IDO1: variants seen among roughly 807,000 people sequenced by gnomAD.
The protein encoded by IDO1 is indoleamine 2,3-dioxygenase 1.
In IDO1, 35 loss-of-function variants were observed where a neutral mutation model predicts 38.8. The ratio of observed to expected loss-of-function variants is 0.90; its 90% confidence interval spans 0.69 to 1.20. The LOEUF (loss-of-function observed/expected upper bound fraction) is 1.20, where lower values mean the gene tolerates loss of function less well. Among genes scored for constraint, IDO1 ranks in the 50% most tolerant of loss-of-function variants. IDO1 has a pLI of 0.00. For synonymous variants in IDO1, 171 were observed against 170.0 expected, an observed-to-expected ratio of 1.01 and a Z score of -0.05; for missense variants, 509 against 485.1, an observed-to-expected ratio of 1.05 and a Z score of -0.46.
At chr8:39,922,160 C>A (rs1368982205) in intron 5 of IDO1, among the ~76,000 whole-genome samples, 1 of 152,116 alleles carries the variant, frequency 6.6e-6, no homozygotes, top group Non-Finnish European at 1.5e-5. Context: ...ATCACCATGC[C>A]CACCTAATTT....
intron 1 of IDO1, among the ~76,000 whole-genome samples, chr8:39,916,185 AG>A (rs1217781972): frequency 1.4e-5 from 2 of 146,164 alleles, no homozygotes; most frequent in Non-Finnish European, 3.0e-5. Context: ...TAATAATAAT[AG>A]TAATTCTGAC....
chr8:39,917,001 C>G (rs1807183005), intron 1 of IDO1, among the ~76,000 whole-genome samples: 1 of 152,108 alleles, frequency 6.6e-6, no homozygotes, highest in African/African-American at 2.4e-5. Context: ...ACAATAAACT[C>G]GATATACAAA....
intron 5 of IDO1, chr8:39,920,950 A>C (rs1807262383): frequency 6.6e-6 from 1 of 152,278 alleles, no homozygotes; most frequent in Non-Finnish European, 1.5e-5. Flanking sequence ...CGATATGATA[A>C]AGATAAGGCA....
chr8:39,915,176 C>T (rs537613089), intron 1 of IDO1, among the ~76,000 whole-genome samples: 9 of 152,296 alleles, frequency 5.9e-5, no homozygotes, highest in Non-Finnish European at 1.2e-4. Context: ...TGAGCCTAAG[C>T]AGCCTGTCTC....
At chr8:39,915,031 T>C (rs759057613) in intron 1 of IDO1, among the ~76,000 whole-genome samples, 10 of 152,210 alleles carry the variant, frequency 6.6e-5, no homozygotes, top group Non-Finnish European at 1.5e-4. Flanking sequence ...CCTCCCAAAG[T>C]GCTAGGATTA....
intron 6 of IDO1, 188 bp downstream of exon 6, chr8:39,922,839 C>T: frequency 1.7e-6 from 1 of 589,616 alleles, no homozygotes; most frequent in Non-Finnish European, 3.0e-6. Context: ...ATCTCAGAGC[C>T]ATATACTTAA....
chr8:39,914,295 T>C (rs1029507799), intron 1 of IDO1: 2 of 234,346 alleles, frequency 8.5e-6, no homozygotes, highest in East Asian at 9.4e-5. Flanking sequence ...AAGAATTATA[T>C]AGTAAAATAC....
intron 9 of IDO1, among the ~76,000 whole-genome samples, chr8:39,926,884 A>G (rs950868202): frequency 6.6e-6 from 1 of 151,912 alleles, no homozygotes; most frequent in Non-Finnish European, 1.5e-5. Context: ...TATTGTTCCT[A>G]TCTTTGTGTC....
intron 7 of IDO1, among the ~76,000 whole-genome samples, chr8:39,924,390 A>G (rs1368886411): frequency 6.6e-6 from 1 of 152,156 alleles, no homozygotes; most frequent in Non-Finnish European, 1.5e-5. Context: ...TTAAAAATAG[A>G]GAGGGAAATC....
intron 1 of IDO1, among the ~76,000 whole-genome samples, chr8:39,917,452 C>T (rs188495313): frequency 6.6e-5 from 10 of 152,242 alleles, no homozygotes; most frequent in African/African-American, 1.2e-4. Flanking sequence ...GCCAAGATTG[C>T]GCCACTGCAC....
In IDO1 at chr8:39,918,906, C is replaced by A; in HGVS notation, c.395C>A (p.Ala132Glu). ...TTGGTTTATGCAGACTGTGTCTTGG[C>A]AAACTGGAAGAAAAAGGATCCTAAT... is the stretch of plus-strand genomic sequence containing the variant. ...PILVYADCVLANWKKKDPNKP... is the reference protein window; with the variant it reads ...PILVYADCVLENWKKKDPNKP... Residue 132 changes from alanine to glutamate, a missense_variant, in exon 4 of 10, where the codon GCA (alanine) becomes GAA (glutamate). Coordinates refer to ENST00000518237, the MANE Select transcript of IDO1 (RefSeq NM_002164.6). 2 of 1,604,024 alleles carry A rather than the reference C, an allele frequency of 1.2e-6. No homozygotes were observed. The highest frequency in any genetic ancestry group is 1.7e-6 in the Non-Finnish European group (2 of 1,170,904).
rs1369390578 is a variant in IDO1 at position 39,928,512 on chromosome 8, T to A, written c.*327T>A. Reference sequence around the variant, plus strand: ...ACTTTGGGAGGCCGAGGCGGGCGGATCACAAGGTCAGGAGATCGAGACCAT... The same window carrying A: ...ACTTTGGGAGGCCGAGGCGGGCGGAACACAAGGTCAGGAGATCGAGACCAT... On this transcript the variant is annotated 3_prime_UTR_variant, in exon 10 of 10. Transcript: ENST00000518237. The A allele has an allele frequency of 5.5e-6, 1 of 180,448 alleles. No homozygotes were observed. Among genetic ancestry groups the A allele is most frequent in the Non-Finnish European group, 1.2e-5 (1 of 85,110 alleles). The allele number at this position is 180,448 out of a possible 1,614,324, so 11.2% of individuals were successfully genotyped here. A position where few individuals can be genotyped will look rare whatever the true frequency, so the allele number is the denominator to read the frequency against.
At chr8:39,924,808 C>G in intron 8 of IDO1, 36 bp downstream of exon 8, 1 of 1,486,618 alleles carries the variant, frequency 6.7e-7, no homozygotes, top group Non-Finnish European at 9.3e-7. Flanking sequence ...TTTGCTCTCA[C>G]TTAACAAAGA....
chr8:39,922,865 C>T (rs1807295836), intron 6 of IDO1: 4 of 556,456 alleles, frequency 7.2e-6, no homozygotes, highest in Non-Finnish European at 1.3e-5. Context: ...AACTTGAAAC[C>T]TCTGTAGGAG....
chr8:39,918,821 C>T lies in IDO1; in HGVS notation c.310C>T (p.Pro104Ser), dbSNP rs1276038235. ...KGHGDVRKVL[P>S]RNIAVPYCQL... ...ACTACTGTATTTTAATCAGGTCTTG[C>T]CAAGAAATATTGCTGTTCCTTACTG... The change falls in exon 4 of 10, where the codon CCA (proline) becomes TCA (serine). Residue 104 changes from proline (P) to serine (S), a missense_variant. Coordinates refer to ENST00000518237, the MANE Select transcript of IDO1 (RefSeq NM_002164.6). 1 of 1,593,954 alleles carries T rather than the reference C, an allele frequency of 6.3e-7. No homozygotes were observed. Among genetic ancestry groups the T allele is most frequent in the Non-Finnish European group, 8.6e-7 (1 of 1,162,488 alleles).
chr8:39,914,753 GT>G (rs1385074294), intron 1 of IDO1, among the ~76,000 whole-genome samples: 3 of 151,904 alleles, frequency 2.0e-5, no homozygotes, highest in African/African-American at 7.2e-5. Flanking sequence ...AGTTATGTAT[GT>G]TATTTATTTA....
intron 1 of IDO1, among the ~76,000 whole-genome samples, chr8:39,914,978 G>C (rs1489519436): frequency 6.6e-6 from 1 of 152,252 alleles, no homozygotes; most frequent in Admixed American, 6.5e-5. Context: ...TGTTGGCCAG[G>C]CTGGTCTCGA....
chr8:39,921,955 T>C (rs1307658806), intron 5 of IDO1, among the ~76,000 whole-genome samples: 5 of 152,122 alleles, frequency 3.3e-5, no homozygotes, highest in Non-Finnish European at 7.4e-5. Flanking sequence ...ACAGAACTAG[T>C]TTGGGAATTT....
chr8:39,925,312 A>C lies in IDO1; in HGVS notation c.797A>C (p.Gln266Pro). Residue 266 changes from glutamine (Q) to proline (P), a missense_variant, in exon 9 of 10, where the codon CAA becomes CCA. Gln to Pro is a moderately conservative substitution (Grantham distance 76). Coordinates refer to ENST00000518237, the MANE Select transcript of IDO1 (RefSeq NM_002164.6). ...GAGTTTGCAGGGGGCAGTGCAGGCC[A>C]AAGCAGCGTCTTTCAGTGCTTTGAC... is the stretch of plus-strand genomic sequence containing the variant. ...PKEFAGGSAG[Q>P]SSVFQCFDVL... 6.2e-7 allele frequency: 1 copy of C among 1,613,250 alleles called. No homozygotes were observed. The highest frequency in any genetic ancestry group is 1.1e-5 in the South Asian group (1 of 90,954).
Sources: allele counts gnomAD v4.1 joint callset (sites outside exome capture counted in the v4.1 genomes callset), GRCh38; gene constraint gnomAD v4.1.1; transcripts MANE v1.5; gene names NCBI Gene and HGNC (gene_info 2026-07-23, HGNC 2026-07-21).